EPB41L4A: variants seen among roughly 807,000 people sequenced by gnomAD.
The protein encoded by EPB41L4A is erythrocyte membrane protein band 4.1 like 4A.
Under a neutral mutation model 108.6 loss-of-function variants are expected in EPB41L4A, and 100 were observed. The ratio of observed to expected loss-of-function variants is 0.92; its 90% confidence interval spans 0.78 to 1.09. The LOEUF is 1.09. Ranked by LOEUF, EPB41L4A falls within the 50% of genes least tolerant of loss-of-function variation. The pLI is 0.00. For synonymous variants in EPB41L4A, 319 were observed against 289.0 expected (o/e 1.10, Z -1.05); for missense variants, 1,030 against 842.7 (o/e 1.22, Z -2.75).
chr5:112,370,839 T>G (rs1404801267), intron 1 of EPB41L4A, among the ~76,000 whole-genome samples: 1 of 152,226 alleles, frequency 6.6e-6, no homozygotes, highest in Non-Finnish European at 1.5e-5. Flanking sequence ...CTCAGGAGGC[T>G]GAGGCACAAT....
At chr5:112,148,071 T>C (rs1054343808) in intron 12 of EPB41L4A, among the ~76,000 whole-genome samples, 3 of 134,028 alleles carry the variant, frequency 2.2e-5, no homozygotes, top group African/African-American at 3.5e-5. Flanking sequence ...CACCAGAAAA[T>C]TGGGAGTTAA....
At chr5:112,319,020 C>T (rs1295099074) in intron 1 of EPB41L4A, among the ~76,000 whole-genome samples, 1 of 152,170 alleles carries the variant, frequency 6.6e-6, no homozygotes, top group African/African-American at 2.4e-5. Flanking sequence ...AGAGCAACAA[C>T]ACCTCAATAG....
chr5:112,271,289 G>C lies in EPB41L4A; in HGVS notation c.335+4037C>G, dbSNP rs1328111088. 2.6e-5 allele frequency among the ~76,000 whole-genome samples: 4 copies of C among 152,196 alleles called. No individual in the cohort carries two copies. The East Asian group carries it at 7.7e-4, about 29-fold the overall frequency. On this transcript the variant is annotated intron_variant, in intron 4 of 22. Transcript: ENST00000261486. ...AAGAAGACCTATCTCAGGGCTCCAA[G>C]CTGGTCTTTTCCAAATGTTTTAATC...
chr5:112,350,217 G>A (rs937150149), intron 1 of EPB41L4A, among the ~76,000 whole-genome samples: 1 of 152,186 alleles, frequency 6.6e-6, no homozygotes, highest in Non-Finnish European at 1.5e-5. Flanking sequence ...TAGTACAGAT[G>A]TAGAACAATG....
chr5:112,419,056 T>C lies in EPB41L4A; in HGVS notation c.-17A>G. On this transcript the variant is annotated 5_prime_UTR_variant, in exon 1 of 23. Coordinates refer to ENST00000261486, the MANE Select transcript of EPB41L4A (RefSeq NM_022140.5). ...ACAGCCCATGTCGGTTGTGGTCGTCTCCAGCCAGGAGAGAAAGCTACCACC... is the reference window on the plus strand; with the variant it reads ...ACAGCCCATGTCGGTTGTGGTCGTCCCCAGCCAGGAGAGAAAGCTACCACC... 1 of 1,604,578 alleles carries C rather than the reference T, an allele frequency of 6.2e-7. No homozygotes were observed. Among genetic ancestry groups the C allele is most frequent in the Non-Finnish European group, 8.5e-7 (1 of 1,172,138 alleles).
intron 1 of EPB41L4A, among the ~76,000 whole-genome samples, chr5:112,363,208 G>A (rs1196780511): frequency 6.6e-6 from 1 of 152,142 alleles, no homozygotes; most frequent in African/African-American, 2.4e-5. Flanking sequence ...TGGGTAATAA[G>A]AGTGGTAACT....
chr5:112,375,322 C>T (rs1487343451), intron 1 of EPB41L4A, among the ~76,000 whole-genome samples: 3 of 149,816 alleles, frequency 2.0e-5, no homozygotes, highest in Non-Finnish European at 4.4e-5. Context: ...CTCTCTCTCT[C>T]GCACACACAC....
chr5:112,233,581 A>C (rs1477707871), intron 12 of EPB41L4A, among the ~76,000 whole-genome samples: 3 of 151,928 alleles, frequency 2.0e-5, no homozygotes, highest in Non-Finnish European at 4.4e-5. Flanking sequence ...CCTTTTTTTT[A>C]ATTTGTATTT....
intron 1 of EPB41L4A, among the ~76,000 whole-genome samples, chr5:112,335,880 T>G (rs1279518813): frequency 6.6e-6 from 1 of 152,176 alleles, no homozygotes; most frequent in Non-Finnish European, 1.5e-5. Flanking sequence ...TTCTCTCCCC[T>G]CACTCTGAGG....
intron 1 of EPB41L4A, among the ~76,000 whole-genome samples, chr5:112,347,806 T>G (rs1004010210): frequency 9.2e-5 from 14 of 152,168 alleles, no homozygotes; most frequent in Non-Finnish European, 2.1e-4. Flanking sequence ...TCCAGCACTC[T>G]AAAGACAAAG....
chr5:112,322,741 C>CCA (rs1220892614), intron 1 of EPB41L4A, among the ~76,000 whole-genome samples: 3 of 150,930 alleles, frequency 2.0e-5, no homozygotes, highest in African/African-American at 4.9e-5. Flanking sequence ...CACACACACC[C>CCA]CACACACACA....
intron 13 of EPB41L4A, among the ~76,000 whole-genome samples, chr5:112,207,509 T>C (rs969679655): frequency 1.3e-5 from 2 of 152,084 alleles, no homozygotes; most frequent in Non-Finnish European, 2.9e-5. Context: ...GGAGAAAATA[T>C]TCACAAACTA....
intron 12 of EPB41L4A, among the ~76,000 whole-genome samples, chr5:112,231,816 AGG>A (rs1265232394): frequency 2.2e-5 from 2 of 91,110 alleles, no homozygotes; most frequent in African/African-American, 7.9e-5. Flanking sequence ...AAAAAAAAAA[AGG>A]ATCCACCTGC....
chr5:112,276,402 G>C (rs1729515889), intron 3 of EPB41L4A, among the ~76,000 whole-genome samples: 1 of 152,106 alleles, frequency 6.6e-6, no homozygotes, highest in African/African-American at 2.4e-5. Flanking sequence ...GCTTTTACTA[G>C]AAATATTTTT....
At chr5:112,228,838 G>T in intron 12 of EPB41L4A, 2 of 639,182 alleles carry the variant, frequency 3.1e-6, no homozygotes, top group Non-Finnish European at 3.9e-6. Flanking sequence ...CTGGCTGCCT[G>T]CCCTGATGCT....
chr5:112,187,911 G>A (rs542275102), intron 17 of EPB41L4A, among the ~76,000 whole-genome samples: 1 of 152,256 alleles, frequency 6.6e-6, no homozygotes, highest in South Asian at 2.1e-4. Flanking sequence ...GCCATTATCT[G>A]ACTCAGAGAC....
intron 1 of EPB41L4A, among the ~76,000 whole-genome samples, chr5:112,355,305 C>G (rs1225659256): frequency 6.6e-6 from 1 of 152,200 alleles, no homozygotes; most frequent in African/African-American, 2.4e-5. Flanking sequence ...GCATGCAGAT[C>G]AAGGGTTTCA....
intron 12 of EPB41L4A, among the ~76,000 whole-genome samples, chr5:112,212,288 G>GTTT (rs747980822): frequency 1.4e-5 from 2 of 139,820 alleles, no homozygotes; most frequent in East Asian, 2.1e-4. Context: ...ACCATTAGTT[G>GTTT]TTTTTGTTTT....
intron 4 of EPB41L4A, chr5:112,275,122 T>G: frequency 2.0e-6 from 1 of 510,242 alleles, no homozygotes; most frequent in South Asian, 2.9e-5. Flanking sequence ...GTCACCCAGG[T>G]TCACGCCATT....
Sources: gnomAD v4.1 joint callset for allele counts (sites outside exome capture counted in the v4.1 genomes callset) on GRCh38, gnomAD v4.1.1 for gene constraint, MANE v1.5 for transcripts, NCBI Gene and HGNC (gene_info 2026-07-23, HGNC 2026-07-21) for gene names.